The following ENTREP2 variants were observed in gnomAD, a reference collection of about 807,000 sequenced individuals.
The protein encoded by ENTREP2 is protein ENTREP2.
At chr15:29,468,494 C>T in the ENTREP2 span, among the ~76,000 whole-genome samples, 3 of 151,682 alleles carry the variant, frequency 2.0e-5, no homozygotes, top group Admixed American at 6.6e-5. Context: ...CCTGTAATCC[C>T]AGCTACTTGG....
chr15:29,593,167 T>G, the ENTREP2 span, among the ~76,000 whole-genome samples: 1 of 152,202 alleles, frequency 6.6e-6, no homozygotes, highest in Non-Finnish European at 1.5e-5. Flanking sequence ...CTTCCGTTTG[T>G]TCCTTGTGTC....
the ENTREP2 span, among the ~76,000 whole-genome samples, chr15:29,357,249 G>C: frequency 6.6e-6 from 1 of 151,924 alleles, no homozygotes; most frequent in African/African-American, 2.4e-5. Context: ...AAAAAAAGAA[G>C]CAAATGTTTT....
the ENTREP2 span, chr15:29,373,840 G>A: frequency 1.3e-5 from 2 of 151,826 alleles, no homozygotes; most frequent in African/African-American, 4.8e-5. Flanking sequence ...ATATGCAACT[G>A]TTTAAAACAG....
At chr15:29,400,725 T>A in the ENTREP2 span, among the ~76,000 whole-genome samples, 1 of 152,222 alleles carries the variant, frequency 6.6e-6, no homozygotes, top group Non-Finnish European at 1.5e-5. Flanking sequence ...TTAATAAATT[T>A]AAAATGTATA....
At chr15:29,509,698 A>G in the ENTREP2 span, among the ~76,000 whole-genome samples, 2 of 152,228 alleles carry the variant, frequency 1.3e-5, no homozygotes, top group African/African-American at 4.8e-5. Context: ...ACTGGCTAGC[A>G]TATGCAGAAA....
chr15:29,421,912 A>G, the ENTREP2 span, among the ~76,000 whole-genome samples: 1 of 152,226 alleles, frequency 6.6e-6, no homozygotes, highest in African/African-American at 2.4e-5. Context: ...AGTCCTGGAC[A>G]GCAGCCAACA....
the ENTREP2 span, chr15:29,268,602 T>C: frequency 1.9e-6 from 1 of 524,966 alleles, no homozygotes; most frequent in Non-Finnish European, 3.2e-6. Flanking sequence ...CCTTTGTTTA[T>C]AGATGAAAAT....
the ENTREP2 span, among the ~76,000 whole-genome samples, chr15:29,408,711 A>T: frequency 1.3e-5 from 2 of 151,832 alleles, no homozygotes; most frequent in South Asian, 4.2e-4. Flanking sequence ...TTTCTGAGAG[A>T]TTTCCCCCAA....
At chr15:29,404,491 C>A in the ENTREP2 span, among the ~76,000 whole-genome samples, 1 of 152,122 alleles carries the variant, frequency 6.6e-6, no homozygotes, top group East Asian at 1.9e-4. Context: ...CAGCACCCAG[C>A]AGGCTGACAC....
chr15:29,433,844 AG>A, the ENTREP2 span, among the ~76,000 whole-genome samples: 2 of 151,646 alleles, frequency 1.3e-5, no homozygotes, highest in Admixed American at 1.3e-4. Context: ...CCTTTCCTAA[AG>A]CGAACCACCC....
the ENTREP2 span, among the ~76,000 whole-genome samples, chr15:29,590,649 A>C: frequency 1.5e-5 from 2 of 132,966 alleles, no homozygotes; most frequent in African/African-American, 2.8e-5. Flanking sequence ...GCGCCACTGT[A>C]CTCCAGCCTG....
chr15:29,547,881 A>T, the ENTREP2 span, among the ~76,000 whole-genome samples: 2 of 152,246 alleles, frequency 1.3e-5, no homozygotes, highest in Admixed American at 6.5e-5. Flanking sequence ...TGGTATAGAC[A>T]TACAATGGAA....
the ENTREP2 span, among the ~76,000 whole-genome samples, chr15:29,220,656 C>A: frequency 6.6e-6 from 1 of 152,126 alleles, no homozygotes; most frequent in Non-Finnish European, 1.5e-5. Context: ...TTTAGAACTC[C>A]TTTAAAATCT....
the ENTREP2 span, among the ~76,000 whole-genome samples, chr15:29,634,440 A>G: frequency 4.6e-5 from 7 of 152,274 alleles, 1 homozygote; most frequent in African/African-American, 9.6e-5. Flanking sequence ...GTAAAAGTAG[A>G]AAAAAACTCC....
the ENTREP2 span, among the ~76,000 whole-genome samples, chr15:29,366,421 T>C: frequency 6.6e-6 from 1 of 152,216 alleles, no homozygotes; most frequent in African/African-American, 2.4e-5. Context: ...TTTTATCAGC[T>C]TTATTGAAGT....
At chr15:29,195,112 C>T in the ENTREP2 span, 4 of 985,194 alleles carry the variant, frequency 4.1e-6, no homozygotes, top group Non-Finnish European at 4.8e-6. Context: ...CATGAAATAC[C>T]TGGTCCCATG....
At chr15:29,131,363 G>C in the ENTREP2 span, among the ~76,000 whole-genome samples, 3 of 151,764 alleles carry the variant, frequency 2.0e-5, no homozygotes, top group Admixed American at 2.0e-4. Context: ...CTCGCACTCA[G>C]GTTCCCTTCC....
the ENTREP2 span, among the ~76,000 whole-genome samples, chr15:29,579,249 T>G: frequency 6.6e-6 from 1 of 152,202 alleles, no homozygotes; most frequent in Admixed American, 6.5e-5. Context: ...TGTGGATAAA[T>G]GGAAAGTTGC....
At chr15:29,206,906 A>G in the ENTREP2 span, among the ~76,000 whole-genome samples, 1 of 152,268 alleles carries the variant, frequency 6.6e-6, no homozygotes, top group South Asian at 2.1e-4. Context: ...AACGTTTTAT[A>G]TTCACACACG....
Sources: gnomAD v4.1 joint callset for allele counts (sites outside exome capture counted in the v4.1 genomes callset) on GRCh38, gnomAD v4.1.1 for gene constraint, MANE v1.5 for transcripts, NCBI Gene and HGNC (gene_info 2026-07-23, HGNC 2026-07-21) for gene names.